The following WFS1 variants were observed in gnomAD, a reference collection of about 807,000 sequenced individuals.
WFS1 encodes the protein wolframin ER transmembrane glycoprotein.
A neutral mutation model predicts 68.5 loss-of-function variants in WFS1; 90 were observed. The observed-to-expected ratio is 1.31, with a 90% CI of 1.11 to 1.56. The LOEUF (loss-of-function observed/expected upper bound fraction) is 1.56. Ranked by LOEUF, WFS1 falls within the 40% of genes most tolerant of loss-of-function variation. The pLI, the probability that WFS1 is intolerant of heterozygous loss-of-function variation, is 0.00. For synonymous variants in WFS1, 860 were observed against 540.7 expected, an observed-to-expected ratio of 1.59 and a Z score of -8.19; for missense variants, 1,767 against 1,232.6, an observed-to-expected ratio of 1.43 and a Z score of -6.49.
Position 6,302,106 on chromosome 4 carries a change from G to A in WFS1, c.2311G>A (p.Asp771Asn), listed in dbSNP as rs534067035. 43 of 1,612,902 alleles carry A rather than the reference G, an allele frequency of 2.7e-5. No individual in the cohort carries two copies. In the South Asian group the frequency reaches 3.5e-4, roughly 13 times the overall value. Residue 771 changes from aspartate (D) to asparagine (N), a missense_variant, in exon 8 of 8, where the codon GAC becomes AAC. Asp to Asn is a conservative substitution (Grantham distance 23). Coordinates refer to ENST00000226760, the MANE Select transcript of WFS1 (RefSeq NM_006005.3). Reference sequence around the variant, plus strand: ...GCACCCCTGCCACATCAAGAAGTTCGACCGCTACAAGTTTGAGATTACCGT... The same window carrying A: ...GCACCCCTGCCACATCAAGAAGTTCAACCGCTACAAGTTTGAGATTACCGT... ...AKHPCHIKKF[D>N]RYKFEITVGM...
chr4:6,296,544 A>G (rs1730645408), intron 7 of WFS1, among the ~76,000 whole-genome samples: 1 of 152,180 alleles, frequency 6.6e-6, no homozygotes, highest in Non-Finnish European at 1.5e-5. Context: ...ATATTCACAG[A>G]TTGGGTGCCA....
At chr4:6,276,152 G>T (rs1729987991) in intron 1 of WFS1, among the ~76,000 whole-genome samples, 1 of 152,174 alleles carries the variant, frequency 6.6e-6, no homozygotes, top group African/African-American at 2.4e-5. Flanking sequence ...TTGGGAATCT[G>T]AGGAAAAGTT....
intron 6 of WFS1, among the ~76,000 whole-genome samples, chr4:6,292,627 ACT>A (rs1217761022): frequency 2.0e-5 from 3 of 151,840 alleles, no homozygotes; most frequent in Non-Finnish European, 1.5e-5. Context: ...CGTGGGGTAG[ACT>A]CTGCAGTCTG....
intron 1 of WFS1, among the ~76,000 whole-genome samples, chr4:6,271,814 G>T (rs1236668195): frequency 6.6e-6 from 1 of 152,150 alleles, no homozygotes; most frequent in African/African-American, 2.4e-5. Flanking sequence ...TTCCCTCTGG[G>T]CTATCGGGTC....
chr4:6,291,996 G>A lies in WFS1; in HGVS notation c.711G>A (p.Glu237=), dbSNP rs1371690936. ...TGCTGGAGCGCCTGGTCAGCAGCGA[G>A]TGTGAGTGCAGCCCCTGCCCCGTCT... is the stretch of plus-strand genomic sequence containing the variant. The part of the protein sequence containing the change: ...RRMLERLVSS[E]SKNYIALDDF... Residue 237 remains glutamate, a splice_region_variant and synonymous_variant, in exon 6 of 8, where the codon GAG becomes GAA. Coordinates refer to ENST00000226760, the MANE Select transcript of WFS1 (RefSeq NM_006005.3). 4 of 1,606,518 alleles carry A rather than the reference G, an allele frequency of 2.5e-6. No homozygotes were observed. Among genetic ancestry groups the A allele is most frequent in the Non-Finnish European group, 3.4e-6 (4 of 1,177,666 alleles).
At position 6,300,832 on chromosome 4, in the gene WFS1, C is replaced by G; in HGVS notation, c.1037C>G (p.Pro346Arg). The G allele has an allele frequency of 6.2e-7, 1 of 1,614,084 alleles. No homozygotes were observed. The highest frequency in any genetic ancestry group is 8.5e-7 in the Non-Finnish European group (1 of 1,180,000). Residue 346 changes from proline (P) to arginine (R), a missense_variant, in exon 8 of 8, where the codon CCG (proline) becomes CGG (arginine). Pro to Arg is a moderately radical substitution (Grantham distance 103). Coordinates refer to ENST00000226760, the MANE Select transcript of WFS1 (RefSeq NM_006005.3). ...ATCGACTTCTTCGCCTTCTTCATCCCGCTGGTCATCTTCTACCTGTCCTTC... is the reference window on the plus strand; with the variant it reads ...ATCGACTTCTTCGCCTTCTTCATCCGGCTGGTCATCTTCTACCTGTCCTTC... ...LTIDFFAFFI[P>R]LVIFYLSFIS...
Position 6,300,647 on chromosome 4 carries a change from T to C in WFS1, c.862-10T>C. ...CCCAGCCTCGTTCCCACGTACCATC[T>C]TTCCCCCAGGTGGTCAAGTACCCCC... is the stretch of plus-strand genomic sequence containing the variant. On this transcript the variant is annotated splice_polypyrimidine_tract_variant and intron_variant, in intron 7 of 7. Transcript: ENST00000226760. 6.2e-7 allele frequency: 1 copy of C among 1,613,808 alleles called. No homozygotes were observed.
In WFS1 at chr4:6,300,930, G is replaced by C. The variant is rs772554352; in HGVS notation, c.1135G>C (p.Asp379His). 6.2e-6 allele frequency: 10 copies of C among 1,614,014 alleles called. No homozygotes were observed. In the African/African-American group the frequency reaches 6.7e-5, roughly 11 times the overall value. ...KAWENFRTLT[D>H]LLLRFEPNLD... ...CTGGGAGAACTTCCGCACCCTCACC[G>C]ACCTGCTGCTGCGCTTCGAGCCCAA... is the stretch of plus-strand genomic sequence containing the variant. Residue 379 changes from aspartate (D) to histidine (H), a missense_variant, in exon 8 of 8, where the codon GAC becomes CAC. Asp to His is a moderately conservative substitution (Grantham distance 81). Coordinates refer to ENST00000226760, the MANE Select transcript of WFS1 (RefSeq NM_006005.3).
Position 6,302,381 on chromosome 4 carries a change from G to A in WFS1, c.2586G>A (p.Lys862=), listed in dbSNP as rs373825245. 2 of 1,613,162 alleles carry A rather than the reference G, an allele frequency of 1.2e-6. No homozygotes were observed. The highest frequency in any genetic ancestry group is 1.7e-6 in the Non-Finnish European group (2 of 1,179,996). ...AQLSPTRRHV[K]IEHDWRSTVH... ...TCTCACCCACCAGGCGGCACGTGAA[G>A]ATCGAGCACGACTGGCGCAGCACCG... The change falls in exon 8 of 8, where the codon AAG becomes AAA. Residue 862 remains lysine, a synonymous_variant. Coordinates refer to ENST00000226760, the MANE Select transcript of WFS1 (RefSeq NM_006005.3).
rs58223112 is a variant in WFS1, at chr4:6,278,820, C to A, written c.232+1133C>A. On this transcript the variant is annotated intron_variant, in intron 2 of 7. Coordinates refer to ENST00000226760, the MANE Select transcript of WFS1 (RefSeq NM_006005.3). ...CTGCTTTGTTTTGGAGGCCTCTGGGCGGATGAGGGCCTGACCCCGGGATTT... is the reference window on the plus strand; with the variant it reads ...CTGCTTTGTTTTGGAGGCCTCTGGGAGGATGAGGGCCTGACCCCGGGATTT... 2.0e-3 allele frequency among the ~76,000 whole-genome samples: 307 copies of A among 152,326 alleles called. 2 individuals carry two copies. The highest frequency in any genetic ancestry group is 7.0e-3 in the African/African-American group (293 of 41,570).
In WFS1 at chr4:6,277,649, C is replaced by T. The variant is rs1388314509; in HGVS notation, c.194C>T (p.Ala65Val). Residue 65 changes from alanine (A) to valine (V), a missense_variant, in exon 2 of 8, where the codon GCC becomes GTC. Transcript: ENST00000226760. Reference protein sequence around the residue: ...RDAAAPAEPQAQHTRSRERAD... With the variant: ...RDAAAPAEPQVQHTRSRERAD... Reference sequence around the variant, plus strand: ...GCAGCGGCCCCCGCTGAACCCCAGGCCCAGCATACCAGGAGCCGGGAAAGA... The same window carrying T: ...GCAGCGGCCCCCGCTGAACCCCAGGTCCAGCATACCAGGAGCCGGGAAAGA... The T allele has an allele frequency of 6.4e-7, 1 of 1,566,540 alleles. No homozygotes were observed.
intron 1 of WFS1, among the ~76,000 whole-genome samples, chr4:6,276,412 C>T (rs111823345): frequency 0.013 from 1,927 of 152,278 alleles, 35 homozygotes; most frequent in African/African-American, 0.043. Context: ...ACACGGGTCA[C>T]GGGATCTCTG....
chr4:6,292,340 G>A (rs1202765681), intron 6 of WFS1, among the ~76,000 whole-genome samples: 2 of 152,138 alleles, frequency 1.3e-5, no homozygotes, highest in African/African-American at 2.4e-5. Flanking sequence ...GGTCCTGAGT[G>A]GGGAAGGATG....
At chr4:6,276,933 T>TA (rs767431290) in intron 1 of WFS1, among the ~76,000 whole-genome samples, 2 of 152,234 alleles carry the variant, frequency 1.3e-5, no homozygotes, top group Non-Finnish European at 2.9e-5. Context: ...TCTCTTCCTA[T>TA]AGGCCATCAG....
chr4:6,298,879 T>G (rs59487221), intron 7 of WFS1, among the ~76,000 whole-genome samples: 2,480 of 152,256 alleles, frequency 0.016, 92 homozygotes, highest in African/African-American at 0.055. Context: ...CCCCAGGGGA[T>G]TTGTGGGGTC....
intron 7 of WFS1, among the ~76,000 whole-genome samples, chr4:6,296,200 A>C (rs1730634976): frequency 1.3e-5 from 2 of 152,322 alleles, no homozygotes; most frequent in Admixed American, 1.3e-4. Flanking sequence ...AGAAGGTCAG[A>C]GTAGGCCCGC....
intron 6 of WFS1, among the ~76,000 whole-genome samples, chr4:6,294,331 G>T (rs1235557165): frequency 6.6e-6 from 1 of 152,116 alleles, no homozygotes; most frequent in African/African-American, 2.4e-5. Context: ...GGATCACGTT[G>T]GATGGAGGGA....
At chr4:6,281,884 G>A (rs1032544352) in intron 2 of WFS1, among the ~76,000 whole-genome samples, 6 of 152,222 alleles carry the variant, frequency 3.9e-5, no homozygotes, top group African/African-American at 7.2e-5. Context: ...GGATCTGGTG[G>A]CACTCAGTCT....
In WFS1 at chr4:6,288,972, G is replaced by A. The variant is rs746375618; in HGVS notation, c.316-15G>A. 6.2e-7 allele frequency: 1 copy of A among 1,606,476 alleles called. No homozygotes were observed. Among genetic ancestry groups the A allele is most frequent in the Admixed American group, 1.7e-5 (1 of 59,110 alleles). Reference sequence around the variant, plus strand: ...GGTCGGAGAATCTGGAGGCTGACTGGTGTCTGGCTTGCAGGTGGGGAAGCA... The same window carrying A: ...GGTCGGAGAATCTGGAGGCTGACTGATGTCTGGCTTGCAGGTGGGGAAGCA... On this transcript the variant is annotated splice_polypyrimidine_tract_variant and intron_variant, in intron 3 of 7. Coordinates refer to ENST00000226760, the MANE Select transcript of WFS1 (RefSeq NM_006005.3).
Sources: allele counts gnomAD v4.1 joint callset (sites outside exome capture counted in the v4.1 genomes callset), GRCh38; gene constraint gnomAD v4.1.1; transcripts MANE v1.5; gene names NCBI Gene and HGNC (gene_info 2026-07-23, HGNC 2026-07-21).